The following TCAIM variants were observed in gnomAD, a reference collection of about 807,000 sequenced individuals.
TCAIM encodes T-cell activation inhibitor, mitochondrial.
TCAIM carries 36 observed loss-of-function variants against 58.6 expected under a neutral mutation model. The ratio of observed to expected loss-of-function variants is 0.61; its 90% CI spans 0.47 to 0.81. The LOEUF is 0.81. Ranked by LOEUF, TCAIM falls within the 30% of genes least tolerant of loss-of-function variation. The pLI, the probability that TCAIM is intolerant of heterozygous loss-of-function variation, is 0.00. For missense variants in TCAIM, 466 were observed against 579.6 expected (o/e 0.80, Z 2.01); for synonymous variants, 172 against 193.6 (o/e 0.89, Z 0.93).
intron 5 of TCAIM, among the ~76,000 whole-genome samples, chr3:44,389,301 A>G (rs1279734278): frequency 1.3e-5 from 2 of 152,236 alleles, no homozygotes; most frequent in East Asian, 3.8e-4. Flanking sequence ...AAAAATAATA[A>G]TAATAAAACA....
At chr3:44,349,150 G>A (rs900920714) in intron 1 of TCAIM, among the ~76,000 whole-genome samples, 1 of 152,118 alleles carries the variant, frequency 6.6e-6, no homozygotes, top group Non-Finnish European at 1.5e-5. Flanking sequence ...TCAGAGTTTG[G>A]GGTGGAGACT....
At chr3:44,404,070 G>A (rs542600094) in intron 10 of TCAIM, among the ~76,000 whole-genome samples, 51 of 152,058 alleles carry the variant, frequency 3.4e-4, no homozygotes, top group Admixed American at 1.3e-3. Flanking sequence ...TATAGTCCTC[G>A]GGCACTCTTG....
chr3:44,353,273 A>G (rs554600880), intron 1 of TCAIM, among the ~76,000 whole-genome samples: 1 of 152,196 alleles, frequency 6.6e-6, no homozygotes, highest in South Asian at 2.1e-4. Context: ...ACTTTTTTTT[A>G]GCCTGAATAA....
intron 8 of TCAIM, among the ~76,000 whole-genome samples, chr3:44,399,661 T>C (rs1211657096): frequency 6.6e-6 from 1 of 152,212 alleles, no homozygotes; most frequent in Non-Finnish European, 1.5e-5. Flanking sequence ...CTCTTTTTCC[T>C]TCCCCCAAAA....
chr3:44,405,502 G>A (rs1221965798), intron 10 of TCAIM, among the ~76,000 whole-genome samples: 5 of 151,916 alleles, frequency 3.3e-5, no homozygotes, highest in South Asian at 2.1e-4. Context: ...GTGAGACCTC[G>A]TCTCTACAAA....
intron 5 of TCAIM, among the ~76,000 whole-genome samples, chr3:44,380,254 A>G (rs1701634119): frequency 6.6e-6 from 1 of 152,172 alleles, no homozygotes; most frequent in Admixed American, 6.5e-5. Context: ...TCAATCGTGT[A>G]TTTCAGAATA....
chr3:44,349,651 C>T (rs550428022), intron 1 of TCAIM, among the ~76,000 whole-genome samples: 2 of 152,192 alleles, frequency 1.3e-5, no homozygotes, highest in African/African-American at 4.8e-5. Context: ...ATCAGGCAGG[C>T]GTCCCCACAG....
chr3:44,403,713 AG>A (rs1702057181), intron 10 of TCAIM, among the ~76,000 whole-genome samples: 1 of 152,206 alleles, frequency 6.6e-6, no homozygotes, highest in Admixed American at 6.5e-5. Context: ...CCAGTTGCTC[AG>A]GCGAATAAAA....
chr3:44,358,195 C>G, intron 3 of TCAIM: 1 of 1,561,728 alleles, frequency 6.4e-7, no homozygotes, highest in Non-Finnish European at 8.6e-7. Context: ...TGATCAATCT[C>G]TCTCTCTTTT....
At chr3:44,400,173 C>T (rs1701999217) in intron 8 of TCAIM, among the ~76,000 whole-genome samples, 182 bp from the exon 9 acceptor site, 2 of 152,048 alleles carry the variant, frequency 1.3e-5, no homozygotes, top group African/African-American at 4.8e-5. Flanking sequence ...TTTACAGTGG[C>T]TTGTTTTGAA....
At chr3:44,404,596 C>T (rs922235435) in intron 10 of TCAIM, among the ~76,000 whole-genome samples, 1 of 152,024 alleles carries the variant, frequency 6.6e-6, no homozygotes, top group African/African-American at 2.4e-5. Context: ...CTCGCCTTTG[C>T]TGTCTTTCCT....
intron 2 of TCAIM, 110 bp downstream of exon 2, chr3:44,354,921 G>T: frequency 4.6e-6 from 6 of 1,292,752 alleles, no homozygotes; most frequent in South Asian, 3.0e-5. Flanking sequence ...GTTATATTAT[G>T]GTGGAAAGCT....
At chr3:44,357,664 T>C in intron 2 of TCAIM, 77 bp from the exon 3 acceptor site, 1 of 1,560,450 alleles carries the variant, frequency 6.4e-7, no homozygotes, top group Admixed American at 1.9e-5. Flanking sequence ...ACGTTTAGTT[T>C]TATTGTCACT....
intron 5 of TCAIM, chr3:44,391,325 A>G (rs1351686247): frequency 2.0e-5 from 3 of 152,152 alleles, no homozygotes; most frequent in Non-Finnish European, 4.4e-5. Flanking sequence ...AGCAGCTGGG[A>G]TTACAGGTGC....
chr3:44,352,087 GTATA>G lies in TCAIM; in HGVS notation c.-44-2640_-44-2637del, dbSNP rs573558285. Among the ~76,000 whole-genome samples the G allele has an allele frequency of 4.8e-5, 7 of 146,866 alleles. No homozygotes were observed. In the East Asian group the frequency reaches 1.4e-3, roughly 29 times the overall value. The stretch of plus-strand genomic sequence containing the variant: ...TATAAAGTCATATATATGTGTGTGT[GTATA>G]TATATATATATTATATATATAAAAC... On this transcript the variant is annotated intron_variant, in intron 1 of 10. Transcript: ENST00000342649.
intron 1 of TCAIM, among the ~76,000 whole-genome samples, chr3:44,347,367 C>T (rs1700991335): frequency 6.6e-6 from 1 of 152,070 alleles, no homozygotes; most frequent in Non-Finnish European, 1.5e-5. Flanking sequence ...AAGGGCTTGA[C>T]CGAAGTAATG....
chr3:44,340,020 T>C (rs574693040), intron 1 of TCAIM: 1 of 152,268 alleles, frequency 6.6e-6, no homozygotes, highest in South Asian at 2.1e-4. Context: ...ATTTTCCAAG[T>C]GGAAGTATAG....
intron 9 of TCAIM, 194 bp downstream of exon 9, chr3:44,400,781 A>G (rs2125656619): frequency 1.7e-6 from 1 of 594,732 alleles, no homozygotes; most frequent in Non-Finnish European, 2.9e-6. Context: ...TTTAATGTCT[A>G]GAACATTCTT....
chr3:44,348,196 G>C (rs947123660), intron 1 of TCAIM, among the ~76,000 whole-genome samples: 1 of 152,152 alleles, frequency 6.6e-6, no homozygotes, highest in South Asian at 2.1e-4. Flanking sequence ...TTAAGAAGGG[G>C]ACGGACTTAC....
Sources: gnomAD v4.1 joint callset for allele counts (sites outside exome capture counted in the v4.1 genomes callset) on GRCh38, gnomAD v4.1.1 for gene constraint, MANE v1.5 for transcripts, NCBI Gene and HGNC (gene_info 2026-07-23, HGNC 2026-07-21) for gene names.